RBL2: variants seen among roughly 807,000 people sequenced by gnomAD.
RBL2 encodes retinoblastoma-like protein 2.
A neutral mutation model predicts 126.0 loss-of-function variants in RBL2; 56 were observed. The observed-to-expected ratio is 0.44, with a 90% CI of 0.36 to 0.56. RBL2 has a LOEUF of 0.56. RBL2 is among the 20% of genes least tolerant of loss of function. The pLI is 0.00. For synonymous variants in RBL2, 454 were observed against 478.5 expected (o/e 0.95, Z 0.67); for missense variants, 1,229 against 1,398.2 (o/e 0.88, Z 1.93).
chr16:53,480,270 A>G (rs1598128662), intron 19 of RBL2: 2 of 521,274 alleles, frequency 3.8e-6, no homozygotes, highest in East Asian at 3.2e-5. Flanking sequence ...GAACCATGCT[A>G]TGGAAATACC....
chr16:53,455,128 G>A (rs2058154904), intron 8 of RBL2, among the ~76,000 whole-genome samples: 1 of 152,204 alleles, frequency 6.6e-6, no homozygotes, highest in African/African-American at 2.4e-5. Context: ...GTAATATATG[G>A]TCTTATATGT....
At chr16:53,474,375 G>A (rs983398928) in intron 17 of RBL2, among the ~76,000 whole-genome samples, 1 of 151,988 alleles carries the variant, frequency 6.6e-6, no homozygotes, top group Non-Finnish European at 1.5e-5. Flanking sequence ...GGAGTGCAGT[G>A]GCGAGATCTT....
rs79388287 is a variant in RBL2, at chr16:53,434,718, C to T, written c.162C>T (p.Ser54=). 2.3e-3 allele frequency: 3,646 copies of T among 1,557,706 alleles called. 22 individuals are homozygous for T. Among genetic ancestry groups the T allele is most frequent in the African/African-American group, 0.018 (1,301 of 73,314 alleles). The part of the protein sequence containing the change: ...QIQQRFDELC[S]RLNMDEAARA... ...AGCAGCGGTTCGACGAGCTGTGCAG[C>T]CGCCTCAACATGGACGAGGCGGCGC... Residue 54 remains serine, a synonymous_variant, in exon 1 of 22, where the codon AGC becomes AGT. Transcript: ENST00000262133.
rs1212567581 is a variant in RBL2, at chr16:53,480,695, G to A, written c.3010G>A (p.Asp1004Asn). The part of the protein sequence containing the change: ...NSDMEEEERG[D>N]LIQFYNNIYI... The stretch of plus-strand genomic sequence containing the variant: ...TGACATGGAAGAAGAGGAGAGGGGA[G>A]ACCTCATTCAGTTCTACAACAACAT... Residue 1004 changes from aspartate (D) to asparagine (N), a missense_variant, in exon 20 of 22, where the codon GAC becomes AAC. Physicochemically the swap from Asp to Asn is conservative, Grantham distance 23. Transcript: ENST00000262133. 1.9e-6 allele frequency: 3 copies of A among 1,613,760 alleles called. No homozygotes were observed. Among genetic ancestry groups the A allele is most frequent in the South Asian group, 2.2e-5 (2 of 91,078 alleles).
At chr16:53,462,765 A>C in intron 11 of RBL2, 110 bp downstream of exon 11, 1 of 662,688 alleles carries the variant, frequency 1.5e-6, no homozygotes, top group South Asian at 2.1e-5. Context: ...TTCATACACA[A>C]AAGTTTTTAA....
chr16:53,466,763 T>TC, intron 13 of RBL2: 1 of 250,262 alleles, frequency 4.0e-6, no homozygotes, highest in South Asian at 4.9e-5. Context: ...GTTGCCCAGT[T>TC]CCTAACAGGG....
intron 2 of RBL2, 30 bp from the exon 3 acceptor site, chr16:53,442,628 A>G (rs1358730867): frequency 2.6e-6 from 4 of 1,517,662 alleles, no homozygotes; most frequent in Non-Finnish European, 3.6e-6. Flanking sequence ...TATGTTAATT[A>G]TGAAATATCT....
chr16:53,438,329 G>T (rs887442523), intron 1 of RBL2, among the ~76,000 whole-genome samples: 2 of 152,172 alleles, frequency 1.3e-5, no homozygotes, highest in Non-Finnish European at 2.9e-5. Flanking sequence ...ATTCTTACAT[G>T]TTGGTTCAGG....
At position 53,454,858 on chromosome 16, in the gene RBL2, C is replaced by A; in HGVS notation, c.1179+16C>A. The A allele has an allele frequency of 6.3e-7, 1 of 1,579,474 alleles. No homozygotes were observed. The highest frequency in any genetic ancestry group is 8.6e-7 in the Non-Finnish European group (1 of 1,161,056). On this transcript the variant is annotated intron_variant, in intron 8 of 21. Coordinates refer to ENST00000262133, the MANE Select transcript of RBL2 (RefSeq NM_005611.4). The stretch of plus-strand genomic sequence containing the variant: ...TTTTGACAAGGTGAGTTTAGCCATG[C>A]CAGAAGAGTAGAAATACAGGAGCAG...
chr16:53,459,189 T>G (rs946867876), intron 8 of RBL2, among the ~76,000 whole-genome samples: 1 of 152,214 alleles, frequency 6.6e-6, no homozygotes, highest in Non-Finnish European at 1.5e-5. Context: ...TTTTAACTTT[T>G]AAGAGACAAA....
At chr16:53,459,425 TTC>T (rs1488926272) in intron 8 of RBL2, 24 bp from the exon 9 acceptor site, 2 of 1,573,186 alleles carry the variant, frequency 1.3e-6, no homozygotes, top group African/African-American at 2.8e-5. Flanking sequence ...TGTTTATTAA[TTC>T]TGTGTAATTT....
chr16:53,462,091 GTTTT>G (rs1233522978), intron 10 of RBL2, among the ~76,000 whole-genome samples: 1 of 151,752 alleles, frequency 6.6e-6, no homozygotes, highest in Non-Finnish European at 1.5e-5. Flanking sequence ...AAATCTTTAG[GTTTT>G]TTTTGTAAAC....
At chr16:53,451,509 AAAAT>A (rs1336230612) in intron 4 of RBL2, among the ~76,000 whole-genome samples, 190 bp from the exon 5 acceptor site, 19 of 152,212 alleles carry the variant, frequency 1.2e-4, no homozygotes, top group African/African-American at 3.9e-4. Flanking sequence ...CTGTCTCTTA[AAAAT>A]AAATAAATAA....
At position 53,457,524 on chromosome 16, in the gene RBL2, G is replaced by C. The variant is rs542909360; in HGVS notation, c.1180-1927G>C. Among the ~76,000 whole-genome samples the C allele has an allele frequency of 8.6e-4, 131 of 152,150 alleles. 3 individuals carry two copies. The Middle Eastern group carries it at 0.014, about 16-fold the overall frequency. ...TCTTCCCGCCTCGGCTTCCTGAAGTGCTGGGATTATAGGCGTGAGCCACCA... is the reference window on the plus strand; with the variant it reads ...TCTTCCCGCCTCGGCTTCCTGAAGTCCTGGGATTATAGGCGTGAGCCACCA... On this transcript the variant is annotated intron_variant, in intron 8 of 21. Coordinates refer to ENST00000262133, the MANE Select transcript of RBL2 (RefSeq NM_005611.4).
intron 21 of RBL2, among the ~76,000 whole-genome samples, chr16:53,486,155 G>T (rs1961166440): frequency 6.6e-6 from 1 of 150,788 alleles, no homozygotes; most frequent in African/African-American, 2.4e-5. Flanking sequence ...AGCCAGGTGT[G>T]GTGGGGTTGG....
chr16:53,456,027 T>A (rs769942962), intron 8 of RBL2, among the ~76,000 whole-genome samples: 3 of 151,836 alleles, frequency 2.0e-5, no homozygotes, highest in Non-Finnish European at 4.4e-5. Flanking sequence ...ATACAAAAAA[T>A]AAGCTGGCCA....
chr16:53,469,496 G>A (rs2058300862), intron 14 of RBL2, among the ~76,000 whole-genome samples: 2 of 152,148 alleles, frequency 1.3e-5, no homozygotes, highest in African/African-American at 4.8e-5. Flanking sequence ...TCAAGTAGTG[G>A]CTCTGTAGTA....
intron 8 of RBL2, among the ~76,000 whole-genome samples, chr16:53,458,297 T>A (rs1198292224): frequency 6.6e-6 from 1 of 152,250 alleles, no homozygotes; most frequent in African/African-American, 2.4e-5. Context: ...ATCTTGAATA[T>A]TAAAAGACAT....
chr16:53,486,267 C>A (rs1328502893), intron 21 of RBL2, among the ~76,000 whole-genome samples: 1 of 152,090 alleles, frequency 6.6e-6, no homozygotes, highest in South Asian at 2.1e-4. Context: ...CACCCCTGCA[C>A]TCCATCCTGG....
Sources: allele counts gnomAD v4.1 joint callset (sites outside exome capture counted in the v4.1 genomes callset), GRCh38; gene constraint gnomAD v4.1.1; transcripts MANE v1.5; gene names NCBI Gene and HGNC (gene_info 2026-07-23, HGNC 2026-07-21).